The following NTRK2 variants were observed in gnomAD, a reference collection of about 807,000 sequenced individuals.
The protein encoded by NTRK2 is neurotrophic receptor tyrosine kinase 2.
A neutral mutation model predicts 94.5 loss-of-function variants in NTRK2; 13 were observed. The observed-to-expected ratio is 0.14, with a 90% CI of 0.09 to 0.22. The LOEUF is 0.22. NTRK2 is among the 10% of genes least tolerant of loss of function. The pLI is 1.00. For synonymous variants in NTRK2, 372 were observed against 407.4 expected, an observed-to-expected ratio of 0.91 and a Z score of 1.05; for missense variants, 639 against 1,071.2, an observed-to-expected ratio of 0.60 and a Z score of 5.63.
intron 17 of NTRK2, among the ~76,000 whole-genome samples, chr9:84,980,731 G>A (rs1827481992): frequency 6.6e-6 from 1 of 152,238 alleles, no homozygotes; most frequent in South Asian, 2.1e-4. Context: ...AAGGGCAGAG[G>A]ATGAGTGTGA....
chr9:84,921,751 G>A (rs1289951711), intron 14 of NTRK2, among the ~76,000 whole-genome samples: 3 of 152,200 alleles, frequency 2.0e-5, no homozygotes, highest in Admixed American at 6.5e-5. Context: ...AAGAGATAGT[G>A]CAAGCTAAAT....
chr9:84,936,334 C>G (rs984475704), intron 15 of NTRK2, among the ~76,000 whole-genome samples: 2 of 152,174 alleles, frequency 1.3e-5, no homozygotes, highest in Non-Finnish European at 2.9e-5. Context: ...TATTTCCTTC[C>G]AAACATATGC....
intron 12 of NTRK2, among the ~76,000 whole-genome samples, chr9:84,828,744 GA>G (rs2073343129): frequency 6.6e-6 from 1 of 152,166 alleles, no homozygotes; most frequent in Admixed American, 6.5e-5. Flanking sequence ...TGGAGAAAGT[GA>G]AATATTTAGT....
intron 12 of NTRK2, among the ~76,000 whole-genome samples, chr9:84,797,864 A>G (rs2069792525): frequency 9.8e-6 from 1 of 102,156 alleles, no homozygotes; most frequent in African/African-American, 3.8e-5. Flanking sequence ...ATATACTATA[A>G]TAATATATAT....
intron 12 of NTRK2, chr9:84,814,486 A>G (rs200065721): frequency 1.3e-5 from 14 of 1,065,708 alleles, no homozygotes; most frequent in South Asian, 4.5e-5. Flanking sequence ...CCCATGACCA[A>G]CTGAGAATTT....
chr9:84,816,927 G>T (rs1469338525), intron 12 of NTRK2, among the ~76,000 whole-genome samples: 1 of 152,154 alleles, frequency 6.6e-6, no homozygotes, highest in African/African-American at 2.4e-5. Flanking sequence ...GGAGTGGCAG[G>T]CATTTGTCAC....
At chr9:84,925,201 CTT>C (rs562875058) in intron 14 of NTRK2, among the ~76,000 whole-genome samples, 11 of 141,220 alleles carry the variant, frequency 7.8e-5, no homozygotes, top group East Asian at 2.1e-4. Context: ...TTCTCTTCTT[CTT>C]TTTTTTTTTT....
intron 14 of NTRK2, chr9:84,877,921 C>T (rs1047531488): frequency 3.7e-5 from 38 of 1,017,002 alleles, no homozygotes; most frequent in East Asian, 6.7e-5. Context: ...TGCCTACTTT[C>T]GTCACCTGCT....
rs1832960122 is a variant in NTRK2, at chr9:85,024,929, A to C, written c.*3492A>C. 4.3e-6 allele frequency: 1 copy of C among 232,942 alleles called. No homozygotes were observed. Among genetic ancestry groups the C allele is most frequent in the Non-Finnish European group, 8.5e-6 (1 of 117,942 alleles). 14.4% of individuals were successfully genotyped at this position (232,942 alleles called of 1,614,324 possible). On this transcript the variant is annotated 3_prime_UTR_variant, in exon 19 of 19. Coordinates refer to ENST00000277120, the MANE Select transcript of NTRK2 (RefSeq NM_006180.6). The stretch of plus-strand genomic sequence containing the variant: ...TTTATGTATGTGTTATAAATACTTG[A>C]TTTATACATATACAAATGCACATAC...
At chr9:84,750,439 A>G (rs995294401) in intron 11 of NTRK2, among the ~76,000 whole-genome samples, 3 of 152,242 alleles carry the variant, frequency 2.0e-5, no homozygotes, top group South Asian at 2.1e-4. Flanking sequence ...TTAGACAAAC[A>G]GCATTAATGA....
chr9:84,674,664 C>T (rs1176973003), intron 2 of NTRK2, among the ~76,000 whole-genome samples: 1 of 152,166 alleles, frequency 6.6e-6, no homozygotes, highest in Non-Finnish European at 1.5e-5. Context: ...ATGAATAAGG[C>T]AGTCTAATTT....
intron 17 of NTRK2, among the ~76,000 whole-genome samples, chr9:84,974,943 A>T (rs1564517120): frequency 6.6e-6 from 1 of 152,176 alleles, no homozygotes; most frequent in Non-Finnish European, 1.5e-5. Context: ...CAGTGTGGGA[A>T]AGAAATGCCC....
At chr9:84,848,689 C>T (rs1227643150) in intron 12 of NTRK2, among the ~76,000 whole-genome samples, 2 of 152,126 alleles carry the variant, frequency 1.3e-5, no homozygotes, top group African/African-American at 4.8e-5. Context: ...GGTGATGTGG[C>T]CCAGCTTAAT....
chr9:84,964,956 T>C (rs1279187059), intron 17 of NTRK2, among the ~76,000 whole-genome samples: 2 of 152,336 alleles, frequency 1.3e-5, no homozygotes, highest in Non-Finnish European at 2.9e-5. Context: ...TGAAGGTTTT[T>C]TTCCTTTTTA....
chr9:84,961,708 C>T (rs1326376158), intron 17 of NTRK2, among the ~76,000 whole-genome samples: 1 of 152,188 alleles, frequency 6.6e-6, no homozygotes, highest in Non-Finnish European at 1.5e-5. Flanking sequence ...AGAAAGGCAC[C>T]TAGGCTCTAC....
At chr9:84,809,651 G>A (rs2071526659) in intron 12 of NTRK2, among the ~76,000 whole-genome samples, 1 of 151,512 alleles carries the variant, frequency 6.6e-6, no homozygotes, top group African/African-American at 2.4e-5. Flanking sequence ...GGAGGCCGAG[G>A]TGGGTAGATT....
chr9:84,813,383 TA>T, intron 12 of NTRK2: 1 of 1,058,560 alleles, frequency 9.4e-7, no homozygotes, highest in South Asian at 4.6e-5. Flanking sequence ...CAATTATTTT[TA>T]AAACATTTTG....
At chr9:84,878,691 T>C (rs1179685156) in intron 14 of NTRK2, among the ~76,000 whole-genome samples, 1 of 152,026 alleles carries the variant, frequency 6.6e-6, no homozygotes, top group Non-Finnish European at 1.5e-5. Flanking sequence ...TTCAATTTTA[T>C]CAAGAACTAT....
rs575155665 is a variant in NTRK2, at chr9:84,955,042, C to G, written c.1938-241C>G. Among the ~76,000 whole-genome samples, 138 of 152,320 alleles carry G rather than the reference C, an allele frequency of 9.1e-4. 2 individuals are homozygous for G. Among genetic ancestry groups the G allele is most frequent in the African/African-American group, 3.2e-3 (135 of 41,580 alleles). On this transcript the variant is annotated intron_variant, in intron 16 of 18. Transcript: ENST00000277120. Reference sequence around the variant, plus strand: ...AGGGGGACATTCAGGCCCACGGGGTCCTGGGAATTCCAGACTCTTTGGGAA... The same window carrying G: ...AGGGGGACATTCAGGCCCACGGGGTGCTGGGAATTCCAGACTCTTTGGGAA...
Sources: allele counts gnomAD v4.1 joint callset (sites outside exome capture counted in the v4.1 genomes callset), GRCh38; gene constraint gnomAD v4.1.1; transcripts MANE v1.5; gene names NCBI Gene and HGNC (gene_info 2026-07-23, HGNC 2026-07-21).